Variants in VEGFA observed in about 807,000 individuals in gnomAD.
VEGFA encodes vascular endothelial growth factor A, also known as vascular endothelial growth factor A, long form.
VEGFA carries 20 observed loss-of-function variants against 49.7 expected under a neutral mutation model. The observed-to-expected ratio is 0.40, with a 90% CI of 0.28 to 0.58. The LOEUF is 0.58. Ranked by LOEUF, VEGFA falls within the 20% of genes least tolerant of loss-of-function variation. The probability of loss-of-function intolerance (pLI) is 0.40; values close to 1 mark genes in which losing one functional copy is unlikely to be tolerated. For synonymous variants in VEGFA, 219 were observed against 223.4 expected (o/e 0.98, Z 0.18); for missense variants, 505 against 553.5 (o/e 0.91, Z 0.88).
intron 1 of VEGFA, 130 bp from the exon 2 acceptor site, chr6:43,774,211 A>G (rs528833923): frequency 1.1e-6 from 1 of 946,110 alleles, no homozygotes; most frequent in Admixed American, 1.9e-5. Context: ...GTCCTGTTCG[A>G]CTCAGAAGAC....
rs1052030687 is a variant in VEGFA, at chr6:43,772,631, G to A, written c.606+1319G>A. On this transcript the variant is annotated intron_variant, in intron 1 of 7. Transcript: ENST00000672860. The stretch of plus-strand genomic sequence containing the variant: ...CCTGGTGAAAGGCAGCCCTGGAGCA[G>A]GTGTTTTTTTGGAACTCCAAACCTG... 3.3e-5 allele frequency among the ~76,000 whole-genome samples: 5 copies of A among 152,208 alleles called. No homozygotes were observed. The East Asian group carries it at 9.6e-4, about 29-fold the overall frequency.
chr6:43,777,050 G>T lies in VEGFA; in HGVS notation c.659-419G>T. 5.7e-6 allele frequency: 2 copies of T among 349,140 alleles called. No homozygotes were observed. The highest frequency in any genetic ancestry group is 1.1e-5 in the Non-Finnish European group (2 of 177,922). 21.6% of individuals were successfully genotyped at this position (349,140 alleles called of 1,614,324 possible). ...GGTTGACGTTATGGTAGTGGTTGTG[G>T]GGAGGACGTAGGAAACTGGAGACTA... On this transcript the variant is annotated intron_variant, in intron 2 of 7. Coordinates refer to ENST00000672860, the MANE Select transcript of VEGFA (RefSeq NM_003376.6). The surrounding 1 kb of genome is among the most constrained non-coding windows in gnomAD (Gnocchi z 4.3).
intron 4 of VEGFA, 152 bp from the exon 5 acceptor site, chr6:43,778,737 T>C: frequency 9.8e-7 from 1 of 1,023,144 alleles, no homozygotes; most frequent in South Asian, 1.4e-5. Flanking sequence ...GTTATAATGA[T>C]TAAACAAGTT....
intron 4 of VEGFA, 169 bp downstream of exon 4, chr6:43,778,705 T>G: frequency 1.0e-6 from 1 of 967,738 alleles, no homozygotes; most frequent in Non-Finnish European, 1.6e-6. Flanking sequence ...ATGGGCACAA[T>G]AGTAGTATAC....
At chr6:43,780,625 T>C in intron 5 of VEGFA, 107 bp from the exon 6 acceptor site, 1 of 1,518,776 alleles carries the variant, frequency 6.6e-7, no homozygotes, top group South Asian at 1.1e-5. Flanking sequence ...GAAGCGGCCC[T>C]GTGTGGCTTT....
At chr6:43,779,752 C>T (rs1400167125) in intron 5 of VEGFA, 3 of 460,436 alleles carry the variant, frequency 6.5e-6, no homozygotes, top group Non-Finnish European at 1.3e-5. Flanking sequence ...GGTGCTTTCT[C>T]CTAAGGGGGA....
At chr6:43,781,031 T>C (rs1485750273) in intron 6 of VEGFA, 7 of 1,101,530 alleles carry the variant, frequency 6.4e-6, no homozygotes, top group East Asian at 5.2e-5. Context: ...GGGTGCCGAC[T>C]TGGCCTGGAG....
intron 1 of VEGFA, chr6:43,771,864 AC>A (rs1009766375): frequency 7.3e-5 from 14 of 190,820 alleles, no homozygotes; most frequent in African/African-American, 9.8e-5. Context: ...TGCTGCGGGG[AC>A]CCCCCCTCCC....
Position 43,773,691 on chromosome 6 carries a change from A to G in VEGFA, c.607-650A>G, listed in dbSNP as rs747302801. ...GGAAATCTATTGAGGCTCTGGAGAGATTTGTGTAGAGAGGAAAATGTGGTT... is the reference window on the plus strand; with the variant it reads ...GGAAATCTATTGAGGCTCTGGAGAGGTTTGTGTAGAGAGGAAAATGTGGTT... On this transcript the variant is annotated intron_variant, in intron 1 of 7. Transcript: ENST00000672860. This position sits in a 1 kb window ranked among gnomAD's most constrained non-coding sequence, Gnocchi z 5.6. The G allele has an allele frequency of 6.4e-6, 1 of 155,324 alleles. No individual in the cohort carries two copies. The highest frequency in any genetic ancestry group is 2.4e-5 in the African/African-American group (1 of 41,400). The allele number at this position is 155,324 out of a possible 1,614,324, so 9.6% of individuals were successfully genotyped here.
Position 43,774,341 on chromosome 6 carries a change from T to A in VEGFA, c.607T>A (p.Trp203Arg), listed in dbSNP as rs1320267753. The A allele has an allele frequency of 6.2e-7, 1 of 1,614,040 alleles. No homozygotes were observed. Among genetic ancestry groups the A allele is most frequent in the Non-Finnish European group, 8.5e-7 (1 of 1,180,046 alleles). Residue 203 changes from tryptophan to arginine, a missense_variant and splice_region_variant, in exon 2 of 8, where the codon TGG becomes AGG. Physicochemically the swap from Trp to Arg is moderately radical, Grantham distance 101. Coordinates refer to ENST00000672860, the MANE Select transcript of VEGFA (RefSeq NM_003376.6). The stretch of plus-strand genomic sequence containing the variant: ...TGCCTTGCTCTCTTTCTGTCCTCAG[T>A]GGTCCCAGGCTGCACCCATGGCAGA...
At position 43,774,392 on chromosome 6, in the gene VEGFA, G is replaced by C; in HGVS notation, c.658G>C (p.Val220Leu). The C allele has an allele frequency of 6.2e-7, 1 of 1,614,234 alleles. No individual in the cohort carries two copies. Among genetic ancestry groups the C allele is most frequent in the Non-Finnish European group, 8.5e-7 (1 of 1,180,038 alleles). The change falls in exon 2 of 8, where the codon GTG becomes CTG. Residue 220 changes from valine to leucine, a missense_variant and splice_region_variant. This residue lies in a region of VEGFA where 340 missense variants were observed against 321.8 expected (regional missense o/e 1.06). Transcript: ENST00000672860. ...AGGAGGAGGGCAGAATCATCACGAA[G>C]GTGAGTCCCCCTGGCTGTTGGATGG...
intron 4 of VEGFA, 67 bp from the exon 5 acceptor site, chr6:43,778,822 C>T: frequency 2.6e-6 from 4 of 1,540,708 alleles, no homozygotes; most frequent in East Asian, 2.2e-5. Context: ...GTTGTTATCC[C>T]TATCATTATC....
rs771518963 is a variant in VEGFA at position 43,778,438 on chromosome 6, G to A, written c.856-22G>A. ...GGCTGGCTGGGTCACTAACCTCTGT[G>A]ATCTGCTTCCTTCCTTTCCAGATTA... On this transcript the variant is annotated intron_variant, in intron 3 of 7. Transcript: ENST00000672860. 6.2e-6 allele frequency: 10 copies of A among 1,612,616 alleles called. No homozygotes were observed. The Admixed American group carries it at 1.2e-4, about 19-fold the overall frequency.
chr6:43,779,342 A>G (rs1766534099), intron 5 of VEGFA: 1 of 364,444 alleles, frequency 2.7e-6, no homozygotes, highest in South Asian at 2.7e-5. Context: ...GTGCAGTTGG[A>G]TGCGAGGCCG....
chr6:43,780,919 A>G lies in VEGFA; in HGVS notation c.1034+116A>G, dbSNP rs368883606. On this transcript the variant is annotated intron_variant, in intron 6 of 7. Coordinates refer to ENST00000672860, the MANE Select transcript of VEGFA (RefSeq NM_003376.6). The stretch of plus-strand genomic sequence containing the variant: ...CTCCCCTGGTCCTTCCCTGGCTCTC[A>G]TCCTCCTGGCCCGTGTCTCTCTCTC... 6.2e-6 allele frequency: 10 copies of G among 1,610,058 alleles called. No homozygotes were observed. In the East Asian group the frequency reaches 6.7e-5, roughly 11 times the overall value.
chr6:43,785,827 C>A lies in VEGFA; in HGVS notation c.*1265C>A, dbSNP rs563477755. The A allele has an allele frequency of 2.7e-4, 51 of 187,506 alleles. No homozygotes were observed. The highest frequency in any genetic ancestry group is 1.2e-3 in the African/African-American group (50 of 42,786). The allele number at this position is 187,506 out of a possible 1,614,324, so 11.6% of individuals were successfully genotyped here. A position where few individuals can be genotyped will look rare whatever the true frequency, so the allele number is the denominator to read the frequency against. ...ATCCCTTTTTAATTAGAAATTAAAA[C>A]AGTTAATTTAATTAAAGAGTAGGGT... On this transcript the variant is annotated 3_prime_UTR_variant, in exon 8 of 8. Coordinates refer to ENST00000672860, the MANE Select transcript of VEGFA (RefSeq NM_003376.6).
chr6:43,779,581 T>G (rs1766661565), intron 5 of VEGFA: 3 of 408,288 alleles, frequency 7.3e-6, no homozygotes, highest in Non-Finnish European at 1.5e-5. Flanking sequence ...AAAGAGAGAC[T>G]GAGAGAGAGC....
intron 7 of VEGFA, 30 bp downstream of exon 7, chr6:43,782,117 GA>G: frequency 6.2e-7 from 1 of 1,611,978 alleles, no homozygotes; most frequent in Non-Finnish European, 8.5e-7. Context: ...GCAAGTCAGA[GA>G]GGGGCATCAC....
rs2127997062 is a variant in VEGFA, at chr6:43,771,181, C to T, written c.475C>T (p.Pro159Ser). Residue 159 changes from proline (P) to serine (S), a missense_variant, in exon 1 of 8, where the codon CCG (proline) becomes TCG (serine). Transcript: ENST00000672860. The stretch of plus-strand genomic sequence containing the variant: ...TCGCCGAGGCGCCGAGGAGAGCGGG[C>T]CGCCCCACAGCCCGAGCCGGAGAGG... 6.3e-7 allele frequency: 1 copy of T among 1,587,518 alleles called. No homozygotes were observed. Among genetic ancestry groups the T allele is most frequent in the Admixed American group, 1.7e-5 (1 of 57,872 alleles).
Sources: gnomAD v4.1 joint callset for allele counts (sites outside exome capture counted in the v4.1 genomes callset) on GRCh38, gnomAD v4.1.1 for gene constraint, gnomAD v4.1.1 regional missense constraint, Gnocchi (gnomAD v3.1) non-coding constraint, MANE v1.5 for transcripts, NCBI Gene and HGNC (gene_info 2026-07-23, HGNC 2026-07-21) for gene names.